The following SPTLC2 variants were observed in gnomAD, a reference collection of about 807,000 sequenced individuals.
SPTLC2 encodes serine palmitoyltransferase long chain base subunit 2, also known as serine palmitoyltransferase 2.
Under a neutral mutation model 62.0 loss-of-function variants are expected in SPTLC2, and 21 were observed. That is an observed-to-expected ratio of 0.34 (90% CI 0.24 to 0.49). The LOEUF (loss-of-function observed/expected upper bound fraction) is 0.49. Ranked by LOEUF, SPTLC2 falls within the 20% of genes least tolerant of loss-of-function variation. The pLI is 0.99. For synonymous variants in SPTLC2, 261 were observed against 261.8 expected (o/e 1.00, Z 0.03); for missense variants, 511 against 713.0 (o/e 0.72, Z 3.23).
chr14:77,574,375 GA>G (rs1224471404), intron 4 of SPTLC2, among the ~76,000 whole-genome samples: 3 of 152,148 alleles, frequency 2.0e-5, no homozygotes, highest in Admixed American at 2.0e-4. Context: ...AAATGAATAG[GA>G]ACCCTCATAC....
At chr14:77,521,334 G>A in intron 10 of SPTLC2, 112 bp downstream of exon 10, 1 of 1,349,402 alleles carries the variant, frequency 7.4e-7, no homozygotes, top group Non-Finnish European at 1.1e-6. Flanking sequence ...ACCAAATGAA[G>A]GTTAACACAG....
chr14:77,589,453 A>G (rs1170286246), intron 2 of SPTLC2, among the ~76,000 whole-genome samples: 1 of 150,254 alleles, frequency 6.7e-6, no homozygotes, highest in Non-Finnish European at 1.5e-5. Flanking sequence ...TACTGTTACC[A>G]CCACTCACAA....
At chr14:77,546,867 T>C (rs1276538139) in intron 9 of SPTLC2, among the ~76,000 whole-genome samples, 2 of 152,184 alleles carry the variant, frequency 1.3e-5, no homozygotes, top group African/African-American at 2.4e-5. Flanking sequence ...GTAGCTGAGA[T>C]TACAGGCATG....
At chr14:77,553,450 G>A (rs1198368824) in intron 8 of SPTLC2, among the ~76,000 whole-genome samples, 1 of 152,060 alleles carries the variant, frequency 6.6e-6, no homozygotes, top group African/African-American at 2.4e-5. Flanking sequence ...TATCAAACCT[G>A]GCCAGGTGCA....
chr14:77,576,747 CA>C lies in SPTLC2; in HGVS notation c.631+19del. 1 of 1,614,108 alleles carries C rather than the reference CA, an allele frequency of 6.2e-7. No homozygotes were observed. Among genetic ancestry groups the C allele is most frequent in the Non-Finnish European group, 8.5e-7 (1 of 1,180,004 alleles). ...AACAATGTCAAAAACAGCAGCTGGC[CA>C]AATACAGCTTTCACTTACCAATTTC... On this transcript the variant is annotated intron_variant, in intron 4 of 11. Coordinates refer to ENST00000216484, the MANE Select transcript of SPTLC2 (RefSeq NM_004863.4).
chr14:77,537,272 T>C lies in SPTLC2; in HGVS notation c.1303+14824A>G, dbSNP rs1336345853. Among the ~76,000 whole-genome samples the C allele has an allele frequency of 3.2e-5, 4 of 123,232 alleles. No individual in the cohort carries two copies. The East Asian group carries it at 8.9e-4, about 27-fold the overall frequency. 80.8% of individuals were successfully genotyped at this position (123,232 alleles called of 152,430 possible). A position where few individuals can be genotyped will look rare whatever the true frequency, so the allele number is the denominator to read the frequency against. On this transcript the variant is annotated intron_variant, in intron 9 of 11. Coordinates refer to ENST00000216484, the MANE Select transcript of SPTLC2 (RefSeq NM_004863.4). ...AGAAACCAAAGAACACTATGAAAGA[T>C]AAAGGGCAGAAGTTAAAAAAAAAAA...
At chr14:77,535,174 G>T (rs111542601) in intron 9 of SPTLC2, among the ~76,000 whole-genome samples, 1 of 152,080 alleles carries the variant, frequency 6.6e-6, no homozygotes, top group Non-Finnish European at 1.5e-5. Context: ...TGATCTGCCC[G>T]CCTCGGCCTT....
intron 9 of SPTLC2, among the ~76,000 whole-genome samples, chr14:77,537,861 G>T (rs540016056): frequency 2.6e-5 from 4 of 152,116 alleles, no homozygotes; most frequent in Admixed American, 2.0e-4. Context: ...GACAATAAAC[G>T]GCCACTGTTA....
At chr14:77,591,267 A>T (rs530912222) in intron 2 of SPTLC2, among the ~76,000 whole-genome samples, 3 of 152,372 alleles carry the variant, frequency 2.0e-5, no homozygotes, top group African/African-American at 7.2e-5. Context: ...TTATATGAAA[A>T]GTCCCGAATA....
intron 1 of SPTLC2, among the ~76,000 whole-genome samples, chr14:77,615,328 T>A (rs1427135420): frequency 3.3e-5 from 5 of 152,254 alleles, no homozygotes; most frequent in Non-Finnish European, 7.3e-5. Context: ...GAAAAATGCT[T>A]TATTTTCTGC....
chr14:77,574,315 A>AT (rs946996864), intron 4 of SPTLC2, among the ~76,000 whole-genome samples: 11 of 152,320 alleles, frequency 7.2e-5, no homozygotes, highest in African/African-American at 2.6e-4. Flanking sequence ...TAGCAAAGTA[A>AT]TCAAGGGTTA....
At chr14:77,546,179 T>C (rs996486884) in intron 9 of SPTLC2, among the ~76,000 whole-genome samples, 1 of 152,234 alleles carries the variant, frequency 6.6e-6, no homozygotes, top group Non-Finnish European at 1.5e-5. Context: ...TACATTCTAG[T>C]TGGAGACAAG....
rs934998766 is a variant in SPTLC2, at chr14:77,510,979, A to G, written c.*1305T>C. The G allele has an allele frequency of 6.6e-6, 1 of 152,648 alleles. No individual in the cohort carries two copies. Among genetic ancestry groups the G allele is most frequent in the African/African-American group, 2.4e-5 (1 of 41,456 alleles). The allele number at this position is 152,648 out of a possible 1,614,324, so 9.5% of individuals were successfully genotyped here. ...GTCAGGCAGTATAAAGCTCTCTGAA[A>G]GAAGTCCCTTTACCTGGTTATAGTA... On this transcript the variant is annotated 3_prime_UTR_variant, in exon 12 of 12. Coordinates refer to ENST00000216484, the MANE Select transcript of SPTLC2 (RefSeq NM_004863.4).
intron 2 of SPTLC2, among the ~76,000 whole-genome samples, chr14:77,588,349 A>T (rs2079794458): frequency 6.6e-6 from 1 of 152,052 alleles, no homozygotes; most frequent in African/African-American, 2.4e-5. Flanking sequence ...TTAAATCCCA[A>T]ATAATTCCCA....
Position 77,546,641 on chromosome 14 carries a change from C to A in SPTLC2, c.1303+5455G>T, listed in dbSNP as rs2079529567. On this transcript the variant is annotated intron_variant, in intron 9 of 11. Coordinates refer to ENST00000216484, the MANE Select transcript of SPTLC2 (RefSeq NM_004863.4). ...GGACTGTTTTTTCAAAGGCAAAGATCACCTATTGTTCAACTCTGCATCTCC... is the reference window on the plus strand; with the variant it reads ...GGACTGTTTTTTCAAAGGCAAAGATAACCTATTGTTCAACTCTGCATCTCC... 2.6e-5 allele frequency among the ~76,000 whole-genome samples: 4 copies of A among 152,288 alleles called. No homozygotes were observed. The East Asian group carries it at 7.7e-4, about 29-fold the overall frequency.
intron 9 of SPTLC2, among the ~76,000 whole-genome samples, chr14:77,524,052 A>C (rs1199331576): frequency 6.6e-6 from 1 of 152,232 alleles, no homozygotes; most frequent in African/African-American, 2.4e-5. Flanking sequence ...CTATATGTTC[A>C]AAAAGGTAGA....
At chr14:77,531,484 T>TCCTCCTCCTCCCCCTCCC (rs1566770795) in intron 9 of SPTLC2, among the ~76,000 whole-genome samples, 5 of 86,808 alleles carry the variant, frequency 5.8e-5, no homozygotes, top group African/African-American at 2.8e-4. Context: ...CCCCTCCCCC[T>TCCTCCTCCTCCCCCTCCC]CCTCCTCCTC....
chr14:77,534,654 A>C (rs4903598), intron 9 of SPTLC2, among the ~76,000 whole-genome samples: 144,346 of 150,430 alleles, frequency 0.96, 69,545 homozygotes, highest in East Asian at 1. Context: ...AAGGCAAAAT[A>C]AAAAAAAATT....
chr14:77,562,496 C>T lies in SPTLC2; in HGVS notation c.757-7G>A, dbSNP rs1250674621. On this transcript the variant is annotated splice_polypyrimidine_tract_variant and splice_region_variant and intron_variant, in intron 5 of 11. Transcript: ENST00000216484. Reference sequence around the variant, plus strand: ...CACTCAGAATCAGGCAACCCTGCAACATCACAGGAACAGAAAGGTAAGAAG... The same window carrying T: ...CACTCAGAATCAGGCAACCCTGCAATATCACAGGAACAGAAAGGTAAGAAG... 1.2e-6 allele frequency: 2 copies of T among 1,612,746 alleles called. No individual in the cohort carries two copies. Among genetic ancestry groups the T allele is most frequent in the African/African-American group, 1.3e-5 (1 of 74,884 alleles).
Sources: allele counts gnomAD v4.1 joint callset (sites outside exome capture counted in the v4.1 genomes callset), GRCh38; gene constraint gnomAD v4.1.1; transcripts MANE v1.5; gene names NCBI Gene and HGNC (gene_info 2026-07-23, HGNC 2026-07-21).